The following LRP1B variants were observed in gnomAD, a reference collection of about 807,000 sequenced individuals.
LRP1B encodes LDL receptor related protein 1B, also known as low-density lipoprotein receptor-related protein 1B.
In LRP1B, 217 loss-of-function variants were observed where a neutral mutation model predicts 556.6. The ratio of observed to expected loss-of-function variants is 0.39; its 90% CI spans 0.35 to 0.44. The LOEUF is 0.44. Among genes scored for constraint, LRP1B ranks in the 20% least tolerant of loss-of-function variants. The probability of loss-of-function intolerance (pLI) is 1.00; values close to 1 mark genes in which losing one functional copy is unlikely to be tolerated. For synonymous variants in LRP1B, 2,047 were observed against 1,865.8 expected, an observed-to-expected ratio of 1.10 and a Z score of -2.50; for missense variants, 5,053 against 5,620.8, an observed-to-expected ratio of 0.90 and a Z score of 3.23.
intron 2 of LRP1B, among the ~76,000 whole-genome samples, chr2:141,638,790 T>A (rs1193489139): frequency 9.7e-6 from 1 of 103,088 alleles, no homozygotes. Flanking sequence ...GTATTAGTAC[T>A]GGGTACATGA....
intron 27 of LRP1B, among the ~76,000 whole-genome samples, chr2:140,855,191 A>T (rs1252173379): frequency 1.3e-5 from 2 of 152,000 alleles, no homozygotes; most frequent in South Asian, 2.1e-4. Context: ...AAGGTTCTAT[A>T]CACTAACCTG....
intron 43 of LRP1B, among the ~76,000 whole-genome samples, chr2:140,582,189 A>G (rs779757530): frequency 2.0e-5 from 3 of 152,190 alleles, no homozygotes; most frequent in Non-Finnish European, 4.4e-5. Context: ...TTATGCCTAT[A>G]GTAGACTACA....
At chr2:141,631,783 G>T (rs932995915) in intron 2 of LRP1B, among the ~76,000 whole-genome samples, 1 of 152,090 alleles carries the variant, frequency 6.6e-6, no homozygotes, top group Admixed American at 6.6e-5. Context: ...ATGGGATGCT[G>T]CCTGATTCAT....
chr2:141,855,522 G>A (rs1271322659), intron 1 of LRP1B, among the ~76,000 whole-genome samples: 1 of 152,104 alleles, frequency 6.6e-6, no homozygotes, highest in East Asian at 1.9e-4. Flanking sequence ...TGCTTTAGGT[G>A]AGTGATTTTC....
intron 3 of LRP1B, among the ~76,000 whole-genome samples, chr2:141,383,307 C>G (rs62165750): frequency 7.2e-5 from 11 of 151,962 alleles, no homozygotes; most frequent in Admixed American, 7.2e-4. Flanking sequence ...ATAGAGGCTC[C>G]TCAAAAAATA....
At chr2:140,535,130 C>G (rs1240622785) in intron 46 of LRP1B, among the ~76,000 whole-genome samples, 1 of 152,098 alleles carries the variant, frequency 6.6e-6, no homozygotes, top group African/African-American at 2.4e-5. Context: ...GGATATGTGA[C>G]AGAAAGCATA....
At chr2:141,036,825 A>G (rs1698547235) in intron 11 of LRP1B, among the ~76,000 whole-genome samples, 1 of 151,984 alleles carries the variant, frequency 6.6e-6, no homozygotes, top group African/African-American at 2.4e-5. Context: ...AGGGGCACAA[A>G]AATTGCCCGG....
chr2:141,661,180 G>A (rs577674721), intron 2 of LRP1B, among the ~76,000 whole-genome samples: 18 of 152,254 alleles, frequency 1.2e-4, no homozygotes, highest in African/African-American at 3.9e-4. Flanking sequence ...AAGGTCAGCA[G>A]CCTCAAAGAT....
intron 49 of LRP1B, among the ~76,000 whole-genome samples, chr2:140,524,072 C>A (rs1230668289): frequency 6.6e-6 from 1 of 151,574 alleles, no homozygotes; most frequent in Non-Finnish European, 1.5e-5. Flanking sequence ...AACTATGTAT[C>A]TGGCAAAGAA....
chr2:140,750,991 C>CT lies in LRP1B; in HGVS notation c.5758+18221dup, dbSNP rs562658619. On this transcript the variant is annotated intron_variant, in intron 35 of 90. Transcript: ENST00000389484. ...TTCACAGTTATAACTCTTTTTTTTT[C>CT]TTTTTTTTTTTTTTTTTTGAGATGA... is the stretch of plus-strand genomic sequence containing the variant. Among the ~76,000 whole-genome samples, 181 of 98,060 alleles carry CT rather than the reference C, an allele frequency of 1.8e-3. 1 individual carries two copies. The highest frequency in any genetic ancestry group is 5.0e-3 in the African/African-American group (128 of 25,844). The allele number at this position is 98,060 out of a possible 152,430, so 64.3% of individuals were successfully genotyped here. A position where few individuals can be genotyped will look rare whatever the true frequency, so the allele number is the denominator to read the frequency against.
intron 1 of LRP1B, among the ~76,000 whole-genome samples, chr2:142,053,364 G>T (rs1704540159): frequency 6.6e-6 from 1 of 152,078 alleles, no homozygotes; most frequent in African/African-American, 2.4e-5. Context: ...GAATAAAAGA[G>T]CATAGCAGAA....
intron 2 of LRP1B, among the ~76,000 whole-genome samples, chr2:141,795,292 C>T (rs899193099): frequency 4.6e-5 from 7 of 152,038 alleles, no homozygotes; most frequent in African/African-American, 1.7e-4. Flanking sequence ...ATCTCCTAGT[C>T]TCCATGCTGT....
intron 2 of LRP1B, among the ~76,000 whole-genome samples, chr2:141,625,047 C>A (rs1574156926): frequency 6.6e-6 from 1 of 152,170 alleles, no homozygotes; most frequent in Non-Finnish European, 1.5e-5. Context: ...GGATTACAGG[C>A]GTGAGCCACC....
chr2:142,013,101 G>A (rs911328305), intron 1 of LRP1B, among the ~76,000 whole-genome samples: 1 of 152,162 alleles, frequency 6.6e-6, no homozygotes, highest in South Asian at 2.1e-4. Context: ...TGCTTGTGTT[G>A]AGAGTAAGAA....
At chr2:140,861,206 A>G (rs1420814925) in intron 27 of LRP1B, among the ~76,000 whole-genome samples, 1 of 152,180 alleles carries the variant, frequency 6.6e-6, no homozygotes, top group Admixed American at 6.5e-5. Flanking sequence ...CAGGAGATCA[A>G]TATCAGCCTA....
intron 7 of LRP1B, among the ~76,000 whole-genome samples, chr2:141,128,600 A>G (rs978703187): frequency 6.6e-6 from 1 of 152,170 alleles, no homozygotes; most frequent in Non-Finnish European, 1.5e-5. Context: ...CTAGAAAGAA[A>G]CTACCTTAAC....
At chr2:140,319,390 A>G (rs1404804539) in intron 82 of LRP1B, among the ~76,000 whole-genome samples, 1 of 152,162 alleles carries the variant, frequency 6.6e-6, no homozygotes. Context: ...TAGATACAGT[A>G]CAGAGGAGGC....
chr2:140,683,448 T>C (rs565550295), intron 41 of LRP1B: 2 of 550,104 alleles, frequency 3.6e-6, no homozygotes, highest in East Asian at 4.0e-5. Context: ...CCTGGGGTCA[T>C]AGATCATGTC....
chr2:141,060,362 A>G lies in LRP1B; in HGVS notation c.1237-1308T>C, dbSNP rs115986669. ...ATGTACATGTTACTCCACAGTATGGACATGTGTTGTATTTATGTGTGGGTC... is the reference window on the plus strand; with the variant it reads ...ATGTACATGTTACTCCACAGTATGGGCATGTGTTGTATTTATGTGTGGGTC... On this transcript the variant is annotated intron_variant, in intron 8 of 90. Coordinates refer to ENST00000389484, the MANE Select transcript of LRP1B (RefSeq NM_018557.3). Among the ~76,000 whole-genome samples the G allele has an allele frequency of 5.3e-3, 802 of 151,804 alleles. 8 individuals are homozygous for G. The highest frequency in any genetic ancestry group is 0.018 in the African/African-American group (759 of 41,454).
Sources: allele counts gnomAD v4.1 joint callset (sites outside exome capture counted in the v4.1 genomes callset), GRCh38; gene constraint gnomAD v4.1.1; transcripts MANE v1.5; gene names NCBI Gene and HGNC (gene_info 2026-07-23, HGNC 2026-07-21).